Variants in RPGRIP1 observed in about 807,000 individuals in gnomAD.
RPGRIP1 encodes RPGR interacting protein 1, also known as X-linked retinitis pigmentosa GTPase regulator-interacting protein 1.
A neutral mutation model predicts 157.9 loss-of-function variants in RPGRIP1; 128 were observed. The ratio of observed to expected loss-of-function variants is 0.81; its 90% CI spans 0.70 to 0.94. The LOEUF is 0.94. Among genes scored for constraint, RPGRIP1 ranks in the 40% least tolerant of loss-of-function variants. RPGRIP1 has a pLI of 0.00. For synonymous variants in RPGRIP1, 554 were observed against 571.6 expected (o/e 0.97, Z 0.44); for missense variants, 1,486 against 1,545.8 (o/e 0.96, Z 0.65).
intron 24 of RPGRIP1, among the ~76,000 whole-genome samples, chr14:21,349,235 A>G (rs1210467360): frequency 6.7e-6 from 1 of 149,658 alleles, no homozygotes; most frequent in East Asian, 2.0e-4. Context: ...CACGCCAGCT[A>G]ATTTTTGTAT....
intron 8 of RPGRIP1, 184 bp downstream of exon 8, chr14:21,310,791 C>T (rs1431327626): frequency 1.5e-6 from 1 of 678,126 alleles, no homozygotes; most frequent in Non-Finnish European, 2.7e-6. Flanking sequence ...ATACTTATTG[C>T]ACTGTTTTCA....
At chr14:21,315,014 A>G (rs931124013) in intron 10 of RPGRIP1, among the ~76,000 whole-genome samples, 5 of 150,494 alleles carry the variant, frequency 3.3e-5, no homozygotes, top group Non-Finnish European at 7.4e-5. Context: ...ACAGAGCAAG[A>G]CTCTGTCTCA....
chr14:21,312,975 G>T (rs183197453), intron 10 of RPGRIP1, among the ~76,000 whole-genome samples: 8 of 152,114 alleles, frequency 5.3e-5, no homozygotes, highest in Admixed American at 3.9e-4. Flanking sequence ...TGGGACTACA[G>T]GTGTGCACTG....
chr14:21,286,972 G>A (rs1057459274), intron 1 of RPGRIP1, among the ~76,000 whole-genome samples: 19 of 151,324 alleles, frequency 1.3e-4, no homozygotes, highest in African/African-American at 4.4e-4. Context: ...GCAGTGAAAC[G>A]TGGTTGTGCC....
At chr14:21,291,291 T>C (rs1276269390) in intron 2 of RPGRIP1, among the ~76,000 whole-genome samples, 1 of 152,156 alleles carries the variant, frequency 6.6e-6, no homozygotes, top group Non-Finnish European at 1.5e-5. Flanking sequence ...ACAAAGTCCA[T>C]GAAACATGAA....
At chr14:21,301,693 A>G (rs1488588744) in intron 4 of RPGRIP1, among the ~76,000 whole-genome samples, 2 of 101,744 alleles carry the variant, frequency 2.0e-5, no homozygotes, top group East Asian at 5.4e-4. Flanking sequence ...TAATAATAAT[A>G]ATAATAATAA....
In RPGRIP1 at chr14:21,280,195, A is replaced by G. The variant is rs149283598; in HGVS notation, c.-39+36A>G. Among the ~76,000 whole-genome samples the G allele has an allele frequency of 2.5e-4, 37 of 148,590 alleles. No homozygotes were observed. The East Asian group carries it at 7.0e-3, about 28-fold the overall frequency. On this transcript the variant is annotated intron_variant, in intron 1 of 24. Coordinates refer to ENST00000400017, the MANE Select transcript of RPGRIP1 (RefSeq NM_020366.4). ...ATCTGATGCATATTTATAGTTTCCT[A>G]TGTCTTCCCTAGGGGTGTTTTTGAG... is the stretch of plus-strand genomic sequence containing the variant.
chr14:21,310,977 T>A, intron 8 of RPGRIP1: 1 of 516,980 alleles, frequency 1.9e-6, no homozygotes, highest in South Asian at 1.4e-5. Flanking sequence ...TCTTAAATAT[T>A]TGGCCCTATT....
At chr14:21,289,078 A>G (rs1437581157) in intron 2 of RPGRIP1, among the ~76,000 whole-genome samples, 1 of 152,116 alleles carries the variant, frequency 6.6e-6, no homozygotes, top group Non-Finnish European at 1.5e-5. Flanking sequence ...CTGTAATCCC[A>G]GCATTTTGGG....
chr14:21,308,974 A>G (rs1257059216), intron 7 of RPGRIP1, among the ~76,000 whole-genome samples: 2 of 152,166 alleles, frequency 1.3e-5, no homozygotes, highest in Non-Finnish European at 2.9e-5. Flanking sequence ...GTTGCCAGGT[A>G]CAGGTCGGGG....
intron 10 of RPGRIP1, among the ~76,000 whole-genome samples, chr14:21,317,080 C>G (rs1881855344): frequency 6.6e-6 from 1 of 151,416 alleles, no homozygotes; most frequent in African/African-American, 2.4e-5. Context: ...AGATTGCACC[C>G]CTGCACTCCA....
chr14:21,294,764 T>C lies in RPGRIP1; in HGVS notation c.173T>C (p.Met58Thr), dbSNP rs1413728875. The change falls in exon 3 of 25, where the codon ATG (methionine) becomes ACG (threonine). Residue 58 changes from methionine (M) to threonine (T), a missense_variant. Physicochemically the swap from Met to Thr is moderately conservative, Grantham distance 81. Coordinates refer to ENST00000400017, the MANE Select transcript of RPGRIP1 (RefSeq NM_020366.4). ...DSFFRLREDH[M>T]LVKELSWKQQ... ...TTCTTTCGACTTCGCGAAGATCACA[T>C]GTTGGTGAAGGAGCTTTCTTGGAAG... 6.2e-7 allele frequency: 1 copy of C among 1,611,996 alleles called. No individual in the cohort carries two copies. The highest frequency in any genetic ancestry group is 8.5e-7 in the Non-Finnish European group (1 of 1,179,038).
rs186774280 is a variant in RPGRIP1, at chr14:21,300,873, A to G, written c.219-93A>G. On this transcript the variant is annotated intron_variant, in intron 3 of 24. Coordinates refer to ENST00000400017, the MANE Select transcript of RPGRIP1 (RefSeq NM_020366.4). ...AATAGATCACGGTAGATGAATACAT[A>G]TTATAGATCAATTCGTGATTATATG... 21 of 1,409,382 alleles carry G rather than the reference A, an allele frequency of 1.5e-5. No individual in the cohort carries two copies. The African/African-American group carries it at 2.4e-4, about 16-fold the overall frequency. 87.3% of individuals were successfully genotyped at this position (1,409,382 alleles called of 1,614,324 possible).
At chr14:21,280,725 C>A (rs1292388316) in intron 1 of RPGRIP1, among the ~76,000 whole-genome samples, 2 of 152,058 alleles carry the variant, frequency 1.3e-5, no homozygotes, top group Non-Finnish European at 2.9e-5. Context: ...CCCCACCCCC[C>A]TCCTTCCCTA....
At chr14:21,304,491 C>T (rs1881212225) in intron 6 of RPGRIP1, among the ~76,000 whole-genome samples, 1 of 151,894 alleles carries the variant, frequency 6.6e-6, no homozygotes, top group Admixed American at 6.6e-5. Context: ...ATATTTGCTG[C>T]CTCACTATAT....
Position 21,303,518 on chromosome 14 carries a change from T to G in RPGRIP1, c.775T>G (p.Cys259Gly), listed in dbSNP as rs2139160695. Residue 259 changes from cysteine (C) to glycine (G), a missense_variant, in exon 6 of 25, where the codon TGT (cysteine) becomes GGT (glycine). Cys to Gly is a radical substitution (Grantham distance 159). Coordinates refer to ENST00000400017, the MANE Select transcript of RPGRIP1 (RefSeq NM_020366.4). ...TTTTGAACAGAGAAGCTCATTGGAG[T>G]GTGCTCAGAAGGCTGCAGAGCTTCG... is the stretch of plus-strand genomic sequence containing the variant. ...ENFEQRSSLECAQKAAELRAS... is the reference protein window; with the variant it reads ...ENFEQRSSLEGAQKAAELRAS... 1 of 1,613,622 alleles carries G rather than the reference T, an allele frequency of 6.2e-7. No homozygotes were observed. The highest frequency in any genetic ancestry group is 1.1e-5 in the South Asian group (1 of 91,064).
In RPGRIP1 at chr14:21,303,717, T is replaced by G. The variant is rs190715681; in HGVS notation, c.800+174T>G. ...GAAATGGATTAACCTGCGGGCACCA[T>G]GGATCACGCCTGTAATCCCAGCACT... On this transcript the variant is annotated intron_variant, in intron 6 of 24. Coordinates refer to ENST00000400017, the MANE Select transcript of RPGRIP1 (RefSeq NM_020366.4). Among the ~76,000 whole-genome samples the G allele has an allele frequency of 1.4e-3, 208 of 152,288 alleles. 4 individuals are homozygous for G. The East Asian group carries it at 0.025, about 18-fold the overall frequency.
chr14:21,328,456 A>C lies in RPGRIP1; in HGVS notation c.2928A>C (p.Glu976Asp). ...DQMASPEVPI[E>D]AGQYRSKRKP... Reference sequence around the variant, plus strand: ...TGGCATCTCCTGAGGTTCCCATTGAAGCTGGCCAGTATCGATCTAAGAGAA... The same window carrying C: ...TGGCATCTCCTGAGGTTCCCATTGACGCTGGCCAGTATCGATCTAAGAGAA... Residue 976 changes from glutamate to aspartate, a missense_variant, in exon 19 of 25, where the codon GAA becomes GAC. By Grantham distance (45) the Glu-to-Asp change is conservative. Coordinates refer to ENST00000400017, the MANE Select transcript of RPGRIP1 (RefSeq NM_020366.4). 6.2e-7 allele frequency: 1 copy of C among 1,613,606 alleles called. No homozygotes were observed. The highest frequency in any genetic ancestry group is 1.1e-5 in the South Asian group (1 of 91,042).
chr14:21,332,706 A>G (rs1373603475), intron 20 of RPGRIP1, among the ~76,000 whole-genome samples: 1 of 152,168 alleles, frequency 6.6e-6, no homozygotes, highest in Non-Finnish European at 1.5e-5. Flanking sequence ...AACCTCATGT[A>G]CTATATGGTC....
Sources: allele counts gnomAD v4.1 joint callset (sites outside exome capture counted in the v4.1 genomes callset), GRCh38; gene constraint gnomAD v4.1.1; transcripts MANE v1.5; gene names NCBI Gene and HGNC (gene_info 2026-07-23, HGNC 2026-07-21).